Variants in OSBPL10 observed in about 807,000 individuals in gnomAD.
OSBPL10 encodes the protein oxysterol binding protein like 10, also known as oxysterol-binding protein-related protein 10.
Under a neutral mutation model 81.7 loss-of-function variants are expected in OSBPL10, and 49 were observed. That is an observed-to-expected ratio of 0.60 (90% CI 0.48 to 0.76). The LOEUF is 0.76. OSBPL10 is among the 30% of genes least tolerant of loss of function. The pLI is 0.00. For missense variants in OSBPL10, 923 were observed against 987.8 expected (o/e 0.93, Z 0.88); for synonymous variants, 419 against 383.6 (o/e 1.09, Z -1.08).
chr3:31,933,001 G>A lies in OSBPL10; in HGVS notation c.281+47898C>T, dbSNP rs575084116. The stretch of plus-strand genomic sequence containing the variant: ...AAACTCAAATTTATTTAAAAATAAA[G>A]TTTTCTAAAATCAAATATTTCTCCT... On this transcript the variant is annotated intron_variant, in intron 1 of 11. Coordinates refer to ENST00000396556, the MANE Select transcript of OSBPL10 (RefSeq NM_017784.5). Among the ~76,000 whole-genome samples the A allele has an allele frequency of 2.0e-5, 3 of 152,130 alleles. No homozygotes were observed. In the East Asian group the frequency reaches 5.8e-4, roughly 29 times the overall value.
chr3:31,895,436 C>T (rs758526763), intron 1 of OSBPL10, among the ~76,000 whole-genome samples: 1 of 151,944 alleles, frequency 6.6e-6, no homozygotes, highest in Non-Finnish European at 1.5e-5. Context: ...CGCACCCAGC[C>T]CAGACTTTTT....
intron 1 of OSBPL10, among the ~76,000 whole-genome samples, chr3:31,963,755 T>C (rs1215974901): frequency 6.6e-6 from 1 of 152,304 alleles, no homozygotes; most frequent in Admixed American, 6.5e-5. Flanking sequence ...TATCTAATTT[T>C]GTTCCATAGT....
At chr3:31,676,982 C>T (rs997659603) in intron 8 of OSBPL10, among the ~76,000 whole-genome samples, 19 of 152,198 alleles carry the variant, frequency 1.2e-4, no homozygotes, top group African/African-American at 4.6e-4. Flanking sequence ...TGAAGCACTT[C>T]ATAATAGCAT....
intron 1 of OSBPL10, among the ~76,000 whole-genome samples, chr3:31,942,431 A>AGGCACCTGTAATCCCAGCTACAAGC (rs1697563657): frequency 1.0e-5 from 1 of 97,886 alleles, no homozygotes. Context: ...CAGCTACAAG[A>AGGCACCTGTAATCCCAGCTACAAGC]GGCTGAGAGA....
At chr3:32,051,856 A>G (rs570649072) in intron 1 of OSBPL10, among the ~76,000 whole-genome samples, 92 of 152,328 alleles carry the variant, frequency 6.0e-4, no homozygotes, top group Non-Finnish European at 2.9e-5. Context: ...TAAAAATAAT[A>G]AGCACTTAAT....
chr3:31,799,351 G>A (rs1699317717), intron 4 of OSBPL10, among the ~76,000 whole-genome samples: 1 of 119,502 alleles, frequency 8.4e-6, no homozygotes, highest in Admixed American at 1.1e-4. Context: ...AGACCAGACT[G>A]AGCAACATAG....
At chr3:31,810,160 C>T (rs777490939) in intron 4 of OSBPL10, among the ~76,000 whole-genome samples, 1 of 151,918 alleles carries the variant, frequency 6.6e-6, no homozygotes, top group African/African-American at 2.4e-5. Context: ...CATGAGCCAC[C>T]GCACCTCGCC....
At chr3:32,056,406 CTTATT>C (rs951949663) in intron 1 of OSBPL10, among the ~76,000 whole-genome samples, 4 of 152,178 alleles carry the variant, frequency 2.6e-5, no homozygotes, top group Non-Finnish European at 5.9e-5. Flanking sequence ...GGAAAGCCTT[CTTATT>C]TAGTTTACTT....
At chr3:32,028,346 C>T (rs1464362297) in intron 2 of OSBPL10, among the ~76,000 whole-genome samples, 1 of 152,202 alleles carries the variant, frequency 6.6e-6, no homozygotes, top group Non-Finnish European at 1.5e-5. Context: ...TCTCTCTAAA[C>T]TTTCAAAACA....
intron 2 of OSBPL10, chr3:31,989,409 T>C: frequency 1.9e-6 from 3 of 1,614,156 alleles, no homozygotes; most frequent in Non-Finnish European, 2.5e-6. Flanking sequence ...AAGATATTCA[T>C]GACTTTGAGT....
chr3:32,024,071 C>T (rs762203354), intron 2 of OSBPL10, among the ~76,000 whole-genome samples: 2 of 152,166 alleles, frequency 1.3e-5, no homozygotes, highest in Non-Finnish European at 2.9e-5. Context: ...CTATGCTTAT[C>T]CAATACCCTA....
At chr3:31,673,129 AAAG>A (rs1240917203) in intron 8 of OSBPL10, among the ~76,000 whole-genome samples, 2 of 152,158 alleles carry the variant, frequency 1.3e-5, no homozygotes, top group Admixed American at 1.3e-4. Context: ...TGCATTTTAG[AAAG>A]AAGAGCATCC....
At chr3:31,890,439 T>A (rs1695860564) in intron 1 of OSBPL10, among the ~76,000 whole-genome samples, 1 of 151,986 alleles carries the variant, frequency 6.6e-6, no homozygotes, top group African/African-American at 2.4e-5. Context: ...AGTTCCTGCA[T>A]AATGGGATCA....
chr3:31,965,963 A>G (rs1330071743), intron 1 of OSBPL10, among the ~76,000 whole-genome samples: 7 of 125,730 alleles, frequency 5.6e-5, no homozygotes, highest in Admixed American at 1.1e-4. Context: ...ATTATATATT[A>G]TATAAAATAG....
At chr3:31,904,477 T>C (rs549708418) in intron 1 of OSBPL10, among the ~76,000 whole-genome samples, 2 of 152,336 alleles carry the variant, frequency 1.3e-5, no homozygotes, top group African/African-American at 4.8e-5. Context: ...CTACCTGGCA[T>C]TTAATTAACC....
At chr3:31,762,630 A>ATTCTTTTTTTTTTTTTTT (rs1698080328) in intron 4 of OSBPL10, among the ~76,000 whole-genome samples, 2 of 61,512 alleles carry the variant, frequency 3.3e-5, no homozygotes, top group Non-Finnish European at 5.3e-5. Flanking sequence ...CATGCCCAGC[A>ATTCTTTTTTTTTTTTTTT]TTTTTTTTTT....
chr3:31,797,537 C>T (rs1181420937), intron 4 of OSBPL10, among the ~76,000 whole-genome samples: 1 of 152,096 alleles, frequency 6.6e-6, no homozygotes, highest in Non-Finnish European at 1.5e-5. Flanking sequence ...CGTTTAACCT[C>T]CCTGAGCCTA....
At chr3:32,038,553 C>T (rs1699541473) in intron 2 of OSBPL10, among the ~76,000 whole-genome samples, 1 of 152,112 alleles carries the variant, frequency 6.6e-6, no homozygotes, top group South Asian at 2.1e-4. Context: ...AACTCCTGGC[C>T]TCAAGTGATC....
intron 4 of OSBPL10, among the ~76,000 whole-genome samples, chr3:31,791,839 T>C (rs2125424575): frequency 6.7e-6 from 1 of 148,558 alleles, no homozygotes; most frequent in Middle Eastern, 3.4e-3. Context: ...AAGACTACAT[T>C]TACAAAGAGC....
Sources: gnomAD v4.1 joint callset for allele counts (sites outside exome capture counted in the v4.1 genomes callset) on GRCh38, gnomAD v4.1.1 for gene constraint, MANE v1.5 for transcripts, NCBI Gene and HGNC (gene_info 2026-07-23, HGNC 2026-07-21) for gene names.